SUGCT: variants seen among roughly 807,000 people sequenced by gnomAD.
SUGCT encodes succinyl-CoA:glutarate CoA-transferase.
SUGCT carries 41 observed loss-of-function variants against 55.0 expected under a neutral mutation model. The observed-to-expected ratio is 0.74, with a 90% CI of 0.58 to 0.97. The LOEUF is 0.97. Among genes scored for constraint, SUGCT ranks in the 50% least tolerant of loss-of-function variants. SUGCT has a pLI of 0.00. For synonymous variants in SUGCT, 187 were observed against 200.4 expected (o/e 0.93, Z 0.56); for missense variants, 568 against 547.8 (o/e 1.04, Z -0.37).
chr7:40,802,736 C>T (rs1285466445), intron 13 of SUGCT, among the ~76,000 whole-genome samples: 1 of 152,162 alleles, frequency 6.6e-6, no homozygotes, highest in Admixed American at 6.5e-5. Context: ...CCTTGAGTCA[C>T]ATGTGCTTTC....
intron 12 of SUGCT, among the ~76,000 whole-genome samples, chr7:40,729,747 A>G (rs1198978845): frequency 6.6e-6 from 1 of 152,196 alleles, no homozygotes; most frequent in Non-Finnish European, 1.5e-5. Context: ...TGAGTGAATC[A>G]TACTGGGTAA....
chr7:40,228,492 TTGTG>T (rs369027925), intron 6 of SUGCT, among the ~76,000 whole-genome samples: 1 of 150,806 alleles, frequency 6.6e-6, no homozygotes, highest in East Asian at 1.9e-4. Flanking sequence ...TTGTTCAGGT[TTGTG>T]TGTGTGTGTG....
At chr7:41,013,458 C>G in the SUGCT span, among the ~76,000 whole-genome samples, 1 of 152,178 alleles carries the variant, frequency 6.6e-6, no homozygotes, top group African/African-American at 2.4e-5. Context: ...GAGTCATTGA[C>G]AGCCAGTGAG....
At chr7:40,770,136 A>T (rs1789017051) in intron 13 of SUGCT, among the ~76,000 whole-genome samples, 1 of 152,138 alleles carries the variant, frequency 6.6e-6, no homozygotes, top group African/African-American at 2.4e-5. Flanking sequence ...AGTTTCTTGA[A>T]AACACCATGC....
At chr7:40,339,253 A>G (rs1269336977) in intron 9 of SUGCT, among the ~76,000 whole-genome samples, 2 of 152,132 alleles carry the variant, frequency 1.3e-5, no homozygotes, top group Non-Finnish European at 2.9e-5. Flanking sequence ...GTGTTGGGAG[A>G]ACCACTGTTC....
chr7:40,376,397 CT>C (rs926447092), intron 9 of SUGCT, among the ~76,000 whole-genome samples: 10 of 139,308 alleles, frequency 7.2e-5, no homozygotes, highest in East Asian at 2.1e-4. Context: ...TTTTTTTTTT[CT>C]TTTTTTTTTG....
At chr7:40,246,341 C>T (rs1789876259) in intron 7 of SUGCT, among the ~76,000 whole-genome samples, 1 of 151,920 alleles carries the variant, frequency 6.6e-6, no homozygotes, top group African/African-American at 2.4e-5. Context: ...CATCCGTCTC[C>T]AGGGTTCAGG....
chr7:40,646,130 A>G (rs926111451), intron 12 of SUGCT, among the ~76,000 whole-genome samples: 4 of 152,152 alleles, frequency 2.6e-5, no homozygotes, highest in African/African-American at 9.7e-5. Context: ...AATCCTAGCA[A>G]TGGCCCACAT....
chr7:40,939,795 C>G, the SUGCT span, among the ~76,000 whole-genome samples: 1 of 151,926 alleles, frequency 6.6e-6, no homozygotes, highest in African/African-American at 2.4e-5. Flanking sequence ...TTTTTGGATG[C>G]ATAGTTTGCA....
intron 1 of SUGCT, among the ~76,000 whole-genome samples, chr7:40,145,992 G>A (rs1382874319): frequency 6.6e-6 from 1 of 152,144 alleles, no homozygotes; most frequent in Admixed American, 6.5e-5. Flanking sequence ...ATCCTGTTAG[G>A]AAACCTGCTG....
chr7:40,609,169 T>G lies in SUGCT; in HGVS notation c.1089+112783T>G, dbSNP rs528217959. Among the ~76,000 whole-genome samples, 5 of 152,272 alleles carry G rather than the reference T, an allele frequency of 3.3e-5. No individual in the cohort carries two copies. In the South Asian group the frequency reaches 1.0e-3, roughly 32 times the overall value. On this transcript the variant is annotated intron_variant, in intron 12 of 13. Transcript: ENST00000335693. ...CCTAGTATCCTTATCTGTGAAACAA[T>G]GATAATGGTAGAGTGTACATGATCG...
chr7:40,412,610 C>G (rs765572664), intron 9 of SUGCT, among the ~76,000 whole-genome samples: 2 of 152,074 alleles, frequency 1.3e-5, no homozygotes, highest in Non-Finnish European at 1.5e-5. Flanking sequence ...CATTTTATGT[C>G]TCCCATAATT....
chr7:40,485,925 G>A (rs1046900374), intron 11 of SUGCT, among the ~76,000 whole-genome samples: 23 of 152,050 alleles, frequency 1.5e-4, no homozygotes, highest in African/African-American at 5.3e-4. Flanking sequence ...CTAGTATTTT[G>A]TTGAGGACTT....
At chr7:40,423,371 T>C (rs185237868) in intron 9 of SUGCT, among the ~76,000 whole-genome samples, 17 of 152,280 alleles carry the variant, frequency 1.1e-4, no homozygotes, top group Non-Finnish European at 4.4e-5. Context: ...AATCATAGAC[T>C]ATTTTATAGG....
At chr7:40,499,981 A>C (rs926677582) in intron 12 of SUGCT, among the ~76,000 whole-genome samples, 2 of 152,206 alleles carry the variant, frequency 1.3e-5, no homozygotes, top group African/African-American at 4.8e-5. Flanking sequence ...CTTTTAATAG[A>C]AACTATTCAA....
At chr7:40,166,041 G>C (rs549678108) in intron 1 of SUGCT, among the ~76,000 whole-genome samples, 2 of 152,324 alleles carry the variant, frequency 1.3e-5, no homozygotes, top group African/African-American at 4.8e-5. Flanking sequence ...AGAATCACTT[G>C]AACCCGGGAG....
intron 13 of SUGCT, among the ~76,000 whole-genome samples, chr7:40,792,345 A>G (rs969381666): frequency 1.3e-5 from 2 of 152,122 alleles, no homozygotes; most frequent in African/African-American, 2.4e-5. Context: ...TCACATACTC[A>G]GAGTTCCATT....
chr7:40,777,165 T>A (rs2128733789), intron 13 of SUGCT, among the ~76,000 whole-genome samples: 1 of 152,322 alleles, frequency 6.6e-6, no homozygotes, highest in South Asian at 2.1e-4. Flanking sequence ...TCATAGATAG[T>A]GGTTGTTCAG....
chr7:40,281,044 A>G (rs544609303), intron 8 of SUGCT, among the ~76,000 whole-genome samples: 6 of 152,360 alleles, frequency 3.9e-5, no homozygotes, highest in African/African-American at 1.4e-4. Context: ...ATTACATTCT[A>G]TAACTGCATT....
Sources: gnomAD v4.1 joint callset for allele counts (sites outside exome capture counted in the v4.1 genomes callset) on GRCh38, gnomAD v4.1.1 for gene constraint, MANE v1.5 for transcripts, NCBI Gene and HGNC (gene_info 2026-07-23, HGNC 2026-07-21) for gene names.